ZSWIM5: variants seen among roughly 807,000 people sequenced by gnomAD.
ZSWIM5 encodes zinc finger SWIM-type containing 5, also known as zinc finger SWIM domain-containing protein 5.
A neutral mutation model predicts 119.6 loss-of-function variants in ZSWIM5; 55 were observed. The ratio of observed to expected loss-of-function variants is 0.46; its 90% CI spans 0.37 to 0.58. The LOEUF (loss-of-function observed/expected upper bound fraction) is 0.58. Ranked by LOEUF, ZSWIM5 falls within the 20% of genes least tolerant of loss-of-function variation. The probability of loss-of-function intolerance (pLI) is 0.00; values close to 1 mark genes in which losing one functional copy is unlikely to be tolerated. For missense variants in ZSWIM5, 1,193 were observed against 1,512.8 expected (o/e 0.79, Z 3.51); for synonymous variants, 537 against 606.9 (o/e 0.88, Z 1.69).
chr1:45,112,950 A>C (rs1645526953), intron 1 of ZSWIM5, among the ~76,000 whole-genome samples: 1 of 152,224 alleles, frequency 6.6e-6, no homozygotes, highest in African/African-American at 2.4e-5. Flanking sequence ...TGTACTTTTG[A>C]GTAGACTGAT....
intron 1 of ZSWIM5, among the ~76,000 whole-genome samples, chr1:45,159,645 G>A (rs1392500410): frequency 1.3e-5 from 2 of 151,932 alleles, no homozygotes; most frequent in Non-Finnish European, 2.9e-5. Flanking sequence ...CTGGAGTGCA[G>A]TGGCACGATC....
In ZSWIM5 at chr1:45,026,334, C is replaced by T. The variant is rs80237577; in HGVS notation, c.2450-5546G>A. ...ACAGGTGTAAGCCACCACACCCAGC[C>T]GGTAATTGTAGGTTTTTTTGTAGAA... On this transcript the variant is annotated intron_variant, in intron 11 of 13. Transcript: ENST00000359600. Among the ~76,000 whole-genome samples, 694 of 152,102 alleles carry T rather than the reference C, an allele frequency of 4.6e-3. 19 individuals are homozygous for T. The East Asian group carries it at 0.085, about 19-fold the overall frequency.
chr1:45,189,982 G>A (rs1213954398), intron 1 of ZSWIM5, among the ~76,000 whole-genome samples: 1 of 152,052 alleles, frequency 6.6e-6, no homozygotes, highest in Non-Finnish European at 1.5e-5. Flanking sequence ...CAGTGGGCAA[G>A]GCCTGAGAAA....
At position 45,018,540 on chromosome 1, in the gene ZSWIM5, G is replaced by A; in HGVS notation, c.3472C>T (p.Gln1158Ter). ...TFLLPQDGHL[Q>*]FAQFIDNLKQ... ...AGGTTGTCGATGAACTGGGCAAACTGCAGGTGGCCATCCTGGGGCAGCAGG... is the reference window on the plus strand; with the variant it reads ...AGGTTGTCGATGAACTGGGCAAACTACAGGTGGCCATCCTGGGGCAGCAGG... The change falls in exon 14 of 14, where the codon CAG becomes TAG. Residue 1158 changes from glutamine to a stop codon, truncating the protein, a stop_gained. Coordinates refer to ENST00000359600, the MANE Select transcript of ZSWIM5 (RefSeq NM_020883.2). LOFTEE classifies it high-confidence loss of function. This position sits in a 1 kb window ranked among gnomAD's most constrained non-coding sequence, Gnocchi z 6.7. 1 of 1,614,218 alleles carries A rather than the reference G, an allele frequency of 6.2e-7. No homozygotes were observed. The highest frequency in any genetic ancestry group is 8.5e-7 in the Non-Finnish European group (1 of 1,180,044).
chr1:45,056,652 G>C (rs1415320370), intron 4 of ZSWIM5, among the ~76,000 whole-genome samples: 1 of 152,006 alleles, frequency 6.6e-6, no homozygotes, highest in Non-Finnish European at 1.5e-5. Flanking sequence ...TATGCTGATG[G>C]AAATGATCCT....
intron 1 of ZSWIM5, among the ~76,000 whole-genome samples, chr1:45,109,833 G>C (rs1373145329): frequency 6.6e-6 from 1 of 151,434 alleles, no homozygotes; most frequent in Non-Finnish European, 1.5e-5. Context: ...ACTGTCAATT[G>C]TGTATTTATG....
chr1:45,115,287 C>T (rs566038159), intron 1 of ZSWIM5, among the ~76,000 whole-genome samples: 2 of 151,208 alleles, frequency 1.3e-5, no homozygotes, highest in African/African-American at 2.4e-5. Flanking sequence ...CTGCCCCCCA[C>T]CTCCCTCCTG....
Position 45,035,788 on chromosome 1 carries a change from G to C in ZSWIM5, c.2191C>G (p.Arg731Gly). The C allele has an allele frequency of 1.2e-6, 2 of 1,613,678 alleles. No homozygotes were observed. The highest frequency in any genetic ancestry group is 1.7e-6 in the Non-Finnish European group (2 of 1,179,972). The part of the protein sequence containing the change: ...PFSGLGEVIH[R>G]ESVPMHTFAK... ...AAGGTATGCATGGGAACACTCTCTCGGTGGATGACTTCTCCCAGACCGCTG... is the reference window on the plus strand; with the variant it reads ...AAGGTATGCATGGGAACACTCTCTCCGTGGATGACTTCTCCCAGACCGCTG... Residue 731 changes from arginine (R) to glycine (G), a missense_variant, in exon 10 of 14, where the codon CGA becomes GGA. Arg to Gly is a moderately radical substitution (Grantham distance 125). This residue lies in a region of ZSWIM5 where 961 missense variants were observed against 1,290.0 expected (regional missense o/e 0.74). Transcript: ENST00000359600.
intron 5 of ZSWIM5, among the ~76,000 whole-genome samples, chr1:45,048,033 G>GTTTCTTTCTTTCTTTCTTTCTTTC (rs139548010): frequency 7.8e-6 from 1 of 128,226 alleles, no homozygotes; most frequent in African/African-American, 2.9e-5. Flanking sequence ...TATTATGGTT[G>GTTTCTTTCTTTCTTTCTTTCTTTC]TTTCTTTCTT....
chr1:45,018,186 T>G lies in ZSWIM5; in HGVS notation c.*268A>C. ...GGGCCAATGCTCAGGACACGCAGGA[T>G]ATAGGGGCATGAGGTGGCATGTTGT... is the stretch of plus-strand genomic sequence containing the variant. On this transcript the variant is annotated 3_prime_UTR_variant, in exon 14 of 14. Coordinates refer to ENST00000359600, the MANE Select transcript of ZSWIM5 (RefSeq NM_020883.2). This position sits in a 1 kb window ranked among gnomAD's most constrained non-coding sequence, Gnocchi z 6.7. The G allele has an allele frequency of 5.8e-6, 3 of 520,436 alleles. No individual in the cohort carries two copies. The highest frequency in any genetic ancestry group is 6.9e-6 in the Non-Finnish European group (2 of 288,970). 32.2% of individuals were successfully genotyped at this position (520,436 alleles called of 1,614,324 possible). A position where few individuals can be genotyped will look rare whatever the true frequency, so the allele number is the denominator to read the frequency against.
intron 1 of ZSWIM5, among the ~76,000 whole-genome samples, chr1:45,091,946 A>AC (rs1438956937): frequency 6.6e-6 from 1 of 152,058 alleles, no homozygotes; most frequent in African/African-American, 2.4e-5. Context: ...AAAAAAAAAA[A>AC]CAAACCACGC....
intron 1 of ZSWIM5, among the ~76,000 whole-genome samples, chr1:45,101,181 C>T (rs1047742381): frequency 2.1e-5 from 3 of 146,288 alleles, no homozygotes; most frequent in African/African-American, 7.4e-5. Context: ...CTACAAAGAA[C>T]TTAAACAAAT....
intron 1 of ZSWIM5, among the ~76,000 whole-genome samples, chr1:45,182,323 G>A (rs1363423990): frequency 1.3e-5 from 2 of 151,458 alleles, no homozygotes; most frequent in East Asian, 1.9e-4. Flanking sequence ...AGAATGGCGT[G>A]AACCCAGAAG....
At chr1:45,059,214 T>C (rs1002798612) in intron 3 of ZSWIM5, among the ~76,000 whole-genome samples, 2 of 152,172 alleles carry the variant, frequency 1.3e-5, no homozygotes, top group African/African-American at 2.4e-5. Context: ...CTATTCATAA[T>C]AGCCAAAAGG....
At chr1:45,078,724 G>A (rs1645270249) in intron 2 of ZSWIM5, among the ~76,000 whole-genome samples, 1 of 152,186 alleles carries the variant, frequency 6.6e-6, no homozygotes, top group African/African-American at 2.4e-5. Flanking sequence ...TCAGCAGGTG[G>A]CAAAGCCAGC....
intron 1 of ZSWIM5, among the ~76,000 whole-genome samples, chr1:45,151,640 G>A (rs11585488): frequency 0.067 from 10,174 of 151,990 alleles, 523 homozygotes; most frequent in Non-Finnish European, 0.1. Context: ...AGGAAGGCCC[G>A]ACAAAATACA....
chr1:45,069,147 C>T (rs925131331), intron 2 of ZSWIM5, among the ~76,000 whole-genome samples: 1 of 152,006 alleles, frequency 6.6e-6, no homozygotes, highest in African/African-American at 2.4e-5. Context: ...TGTTTTTGGG[C>T]CAGGCACAAT....
chr1:45,196,034 G>GTTT (rs34236930), intron 1 of ZSWIM5, among the ~76,000 whole-genome samples: 18 of 103,952 alleles, frequency 1.7e-4, no homozygotes, highest in African/African-American at 4.3e-4. Flanking sequence ...CACCCAGCTA[G>GTTT]TTTTTTTTTT....
chr1:45,071,840 A>G lies in ZSWIM5; in HGVS notation c.953-11593T>C, dbSNP rs12031333. On this transcript the variant is annotated intron_variant, in intron 2 of 13. Coordinates refer to ENST00000359600, the MANE Select transcript of ZSWIM5 (RefSeq NM_020883.2). The stretch of plus-strand genomic sequence containing the variant: ...TCTTTATCCATTCGTCTGCTGATGG[A>G]CACTTAGGATGGTTCCAAATCTTGC... Among the ~76,000 whole-genome samples, 83 of 152,226 alleles carry G rather than the reference A, an allele frequency of 5.5e-4. 2 individuals carry two copies. In the East Asian group the frequency reaches 0.014, roughly 27 times the overall value.
Sources: gnomAD v4.1 joint callset for allele counts (sites outside exome capture counted in the v4.1 genomes callset) on GRCh38, gnomAD v4.1.1 for gene constraint, gnomAD v4.1.1 regional missense constraint, Gnocchi (gnomAD v3.1) non-coding constraint, MANE v1.5 for transcripts, NCBI Gene and HGNC (gene_info 2026-07-23, HGNC 2026-07-21) for gene names.